The following SCAI variants were observed in gnomAD, a reference collection of about 807,000 sequenced individuals.
SCAI encodes protein SCAI.
In SCAI, 24 loss-of-function variants were observed where a neutral mutation model predicts 92.2. That is an observed-to-expected ratio of 0.26 (90% CI 0.19 to 0.37). The LOEUF (loss-of-function observed/expected upper bound fraction) is 0.37. SCAI is among the 10% of genes least tolerant of loss of function. The probability of loss-of-function intolerance (pLI) is 1.00; values close to 1 mark genes in which losing one functional copy is unlikely to be tolerated. For synonymous variants in SCAI, 261 were observed against 258.6 expected (o/e 1.01, Z -0.09); for missense variants, 450 against 736.2 (o/e 0.61, Z 4.50).
chr9:125,042,633 G>GTGTGTGTGTGTGTGTT (rs1833341757), intron 3 of SCAI, among the ~76,000 whole-genome samples: 1 of 80,900 alleles, frequency 1.2e-5, no homozygotes. Context: ...GTGTGTGTGT[G>GTGTGTGTGTGTGTGTT]TACACACACA....
intron 3 of SCAI, among the ~76,000 whole-genome samples, chr9:125,054,615 A>G (rs1377638217): frequency 1.3e-5 from 2 of 152,130 alleles, no homozygotes; most frequent in East Asian, 3.9e-4. Context: ...AAAGATTTAA[A>G]CCCCAGGCAT....
chr9:124,957,310 A>C (rs1215728713), intron 17 of SCAI, among the ~76,000 whole-genome samples: 1 of 152,116 alleles, frequency 6.6e-6, no homozygotes, highest in Non-Finnish European at 1.5e-5. Context: ...CAGTGTTTTA[A>C]AAGTGCATTT....
intron 2 of SCAI, among the ~76,000 whole-genome samples, chr9:125,062,526 G>A (rs1400343669): frequency 1.3e-5 from 2 of 151,520 alleles, no homozygotes. Flanking sequence ...CAAGGTGGGT[G>A]GATCACAAGG....
intron 2 of SCAI, chr9:125,066,065 TG>T: frequency 1.4e-6 from 1 of 737,326 alleles, no homozygotes; most frequent in Non-Finnish European, 2.5e-6. Context: ...GATACTGTAT[TG>T]AATAAAGAAA....
At chr9:125,071,212 T>C (rs1332901006) in intron 2 of SCAI, among the ~76,000 whole-genome samples, 1 of 152,146 alleles carries the variant, frequency 6.6e-6, no homozygotes, top group African/African-American at 2.4e-5. Context: ...TAATGTACTA[T>C]CACAAGACTC....
chr9:125,052,414 T>C, intron 3 of SCAI, among the ~76,000 whole-genome samples: 1 of 151,964 alleles, frequency 6.6e-6, no homozygotes, highest in Non-Finnish European at 1.5e-5. Context: ...CTACTAAAAA[T>C]ACAAAAATTA....
intron 9 of SCAI, among the ~76,000 whole-genome samples, chr9:125,004,766 T>C (rs1447441848): frequency 9.5e-5 from 1 of 10,556 alleles, no homozygotes; most frequent in African/African-American, 3.1e-4. Flanking sequence ...TATATATATA[T>C]ATATATATAT....
intron 15 of SCAI, among the ~76,000 whole-genome samples, chr9:124,973,859 G>A (rs1831706340): frequency 6.6e-6 from 1 of 152,064 alleles, no homozygotes; most frequent in South Asian, 2.1e-4. Flanking sequence ...TTCTCTACAT[G>A]CTCCCTAAGC....
intron 2 of SCAI, among the ~76,000 whole-genome samples, chr9:125,122,324 C>T (rs1213529617): frequency 6.6e-6 from 1 of 152,130 alleles, no homozygotes; most frequent in Non-Finnish European, 1.5e-5. Context: ...GGCACGGTGG[C>T]TCATGCCTAT....
At chr9:125,103,839 T>A (rs149940714) in intron 2 of SCAI, among the ~76,000 whole-genome samples, 2 of 152,344 alleles carry the variant, frequency 1.3e-5, no homozygotes, top group African/African-American at 2.4e-5. Flanking sequence ...GAGAAACATT[T>A]TTTTCTAAGA....
At chr9:125,040,624 GTTTA>G (rs200459992) in intron 3 of SCAI, among the ~76,000 whole-genome samples, 4 of 140,154 alleles carry the variant, frequency 2.9e-5, no homozygotes, top group Admixed American at 1.4e-4. Context: ...TCCCTGTTTT[GTTTA>G]TTTATTTATT....
At chr9:124,956,486 TG>T (rs1483149777) in intron 17 of SCAI, among the ~76,000 whole-genome samples, 1 of 152,216 alleles carries the variant, frequency 6.6e-6, no homozygotes, top group East Asian at 1.9e-4. Flanking sequence ...CCCAAAGTGC[TG>T]GGATTACAGG....
intron 15 of SCAI, among the ~76,000 whole-genome samples, chr9:124,974,682 T>A (rs1302823887): frequency 1.3e-5 from 2 of 152,148 alleles, no homozygotes; most frequent in South Asian, 2.1e-4. Context: ...GTGTTAGAGG[T>A]CTAAGCTTTG....
chr9:125,137,799 G>C (rs555996262), intron 2 of SCAI, among the ~76,000 whole-genome samples: 1 of 151,792 alleles, frequency 6.6e-6, no homozygotes, highest in African/African-American at 2.4e-5. Flanking sequence ...ATGGGGTTTC[G>C]TCATGTTGGC....
rs886624638 is a variant in SCAI at position 125,129,032 on chromosome 9, C to T, written c.98+13601G>A. Among the ~76,000 whole-genome samples the T allele has an allele frequency of 2.0e-5, 3 of 148,950 alleles. No homozygotes were observed. In the South Asian group the frequency reaches 6.4e-4, roughly 32 times the overall value. Reference sequence around the variant, plus strand: ...GCACCGAGATCACGCCATTGCACTCCAGCCTAAGCAACAAGAGCAAAACTC... The same window carrying T: ...GCACCGAGATCACGCCATTGCACTCTAGCCTAAGCAACAAGAGCAAAACTC... On this transcript the variant is annotated intron_variant, in intron 2 of 17. Coordinates refer to ENST00000336505, the MANE Select transcript of SCAI (RefSeq NM_001144877.3).
intron 17 of SCAI, among the ~76,000 whole-genome samples, chr9:124,967,431 G>T (rs115114859): frequency 3.6e-4 from 55 of 152,274 alleles, no homozygotes; most frequent in Middle Eastern, 3.4e-3. Flanking sequence ...CTTTGTGGCT[G>T]AACTACGTCT....
intron 2 of SCAI, among the ~76,000 whole-genome samples, chr9:125,114,353 A>C (rs1397316597): frequency 6.6e-6 from 1 of 152,112 alleles, no homozygotes; most frequent in East Asian, 1.9e-4. Flanking sequence ...CCCAACATAC[A>C]CTCCACTAGT....
chr9:125,116,132 C>A (rs980210861), intron 2 of SCAI, among the ~76,000 whole-genome samples: 1 of 151,984 alleles, frequency 6.6e-6, no homozygotes, highest in African/African-American at 2.4e-5. Flanking sequence ...TTGCAGTGAG[C>A]CGAGATTGCA....
At chr9:125,037,095 C>T (rs551857951) in intron 3 of SCAI, among the ~76,000 whole-genome samples, 1 of 152,030 alleles carries the variant, frequency 6.6e-6, no homozygotes, top group African/African-American at 2.4e-5. Context: ...ATGGTGAAAC[C>T]CTGTCTCTAC....
Sources: allele counts gnomAD v4.1 joint callset (sites outside exome capture counted in the v4.1 genomes callset), GRCh38; gene constraint gnomAD v4.1.1; transcripts MANE v1.5; gene names NCBI Gene and HGNC (gene_info 2026-07-23, HGNC 2026-07-21).